The following SYNRG variants were observed in gnomAD, a reference collection of about 807,000 sequenced individuals.
The protein encoded by SYNRG is AP1 gamma subunit binding protein 1.
SYNRG carries 37 observed loss-of-function variants against 130.9 expected under a neutral mutation model. The observed-to-expected ratio is 0.28, with a 90% confidence interval of 0.22 to 0.37. The LOEUF (loss-of-function observed/expected upper bound fraction) is 0.37, where lower values mean the gene tolerates loss of function less well. Ranked by LOEUF, SYNRG falls within the 10% of genes least tolerant of loss-of-function variation. The pLI is 1.00. For synonymous variants in SYNRG, 539 were observed against 568.1 expected (o/e 0.95, Z 0.73); for missense variants, 1,338 against 1,588.9 (o/e 0.84, Z 2.68).
chr17:37,525,804 A>C lies in SYNRG; in HGVS notation c.3667-5156T>G, dbSNP rs148979819. On this transcript the variant is annotated intron_variant, in intron 19 of 21. Transcript: ENST00000612223. ...AACATGGTGAAACCCCGTCTCTACT[A>C]AAAATACAAAAATTAGCCAGGTGTG... 8.0e-3 allele frequency among the ~76,000 whole-genome samples: 1,219 copies of C among 152,350 alleles called. 23 individuals are homozygous for C. The highest frequency in any genetic ancestry group is 0.027 in the African/African-American group (1,129 of 41,584).
intron 13 of SYNRG, among the ~76,000 whole-genome samples, chr17:37,560,237 T>A (rs2059423324): frequency 6.6e-6 from 1 of 151,450 alleles, no homozygotes. Flanking sequence ...AAATAAATAA[T>A]TCTCAATAGC....
Position 37,609,298 on chromosome 17 carries a change from C to G in SYNRG, c.58G>C (p.Gly20Arg), listed in dbSNP as rs1015162526. 1 of 1,461,220 alleles carries G rather than the reference C, an allele frequency of 6.8e-7. No homozygotes were observed. The highest frequency in any genetic ancestry group is 1.5e-5 in the African/African-American group (1 of 68,016). 90.5% of individuals were successfully genotyped at this position (1,461,220 alleles called of 1,614,324 possible). ...ACCTACCCGCCTCCCCCGGCGGACCCCGCGCCAGCTCCCGCGGCCCCGCCG... is the reference window on the plus strand; with the variant it reads ...ACCTACCCGCCTCCCCCGGCGGACCGCGCGCCAGCTCCCGCGGCCCCGCCG... ...GGGGAAGAGAGSAGGGGFMFP... is the reference protein window; with the variant it reads ...GGGGAAGAGARSAGGGGFMFP... The change falls in exon 1 of 22, where the codon GGG becomes CGG. Residue 20 changes from glycine (G) to arginine (R), a missense_variant. Physicochemically the swap from Gly to Arg is moderately radical, Grantham distance 125. Coordinates refer to ENST00000612223, the MANE Select transcript of SYNRG (RefSeq NM_007247.6).
At chr17:37,554,281 C>T (rs1376440371) in intron 13 of SYNRG, among the ~76,000 whole-genome samples, 1 of 152,164 alleles carries the variant, frequency 6.6e-6, no homozygotes, top group Non-Finnish European at 1.5e-5. Flanking sequence ...AAGTACCTGA[C>T]GGTACCATTT....
Position 37,571,818 on chromosome 17 carries a change from G to T in SYNRG, c.1071C>A (p.Thr357=), listed in dbSNP as rs373698815. The change falls in exon 9 of 22, where the codon ACC becomes ACA. Residue 357 remains threonine (T), a synonymous_variant. Coordinates refer to ENST00000612223, the MANE Select transcript of SYNRG (RefSeq NM_007247.6). ...GTGTTACCGCTATCATGGCTAGAAC[G>T]GTATAAAGTTCTTCTTTTGTAAGTT... ...PGKLTKEELY[T]VLAMIAVTQR... 1.2e-6 allele frequency: 2 copies of T among 1,613,736 alleles called. No individual in the cohort carries two copies. The highest frequency in any genetic ancestry group is 1.7e-6 in the Non-Finnish European group (2 of 1,179,928).
At chr17:37,526,695 G>A (rs752711200) in intron 19 of SYNRG, among the ~76,000 whole-genome samples, 12 of 152,198 alleles carry the variant, frequency 7.9e-5, no homozygotes, top group Middle Eastern at 3.4e-3. Flanking sequence ...AAGCCAGCAG[G>A]TAGCATCTGC....
chr17:37,579,621 T>C (rs1019198418), intron 6 of SYNRG, among the ~76,000 whole-genome samples: 1 of 152,256 alleles, frequency 6.6e-6, no homozygotes, highest in Non-Finnish European at 1.5e-5. Flanking sequence ...TGTCTATTTA[T>C]ACACAATTTT....
At chr17:37,575,892 T>TG (rs1424545289) in intron 8 of SYNRG, among the ~76,000 whole-genome samples, 2 of 150,746 alleles carry the variant, frequency 1.3e-5, no homozygotes, top group African/African-American at 4.9e-5. Context: ...TCTTCCAATG[T>TG]GAAAAAAAAG....
intron 10 of SYNRG, among the ~76,000 whole-genome samples, chr17:37,570,059 T>C (rs2060302715): frequency 6.6e-6 from 1 of 152,190 alleles, no homozygotes; most frequent in Non-Finnish European, 1.5e-5. Context: ...AATTCTTGTA[T>C]ATCTTTGCTA....
intron 1 of SYNRG, among the ~76,000 whole-genome samples, chr17:37,601,865 A>G (rs2063314581): frequency 6.6e-6 from 1 of 151,866 alleles, no homozygotes; most frequent in African/African-American, 2.4e-5. Flanking sequence ...GGGTTTCACC[A>G]TGATGGCCAG....
chr17:37,549,697 C>T (rs2058569539), intron 14 of SYNRG, among the ~76,000 whole-genome samples: 1 of 152,084 alleles, frequency 6.6e-6, no homozygotes, highest in Non-Finnish European at 1.5e-5. Context: ...ATCAACTGAT[C>T]CTCACACTTT....
In SYNRG at chr17:37,559,173, G is replaced by A. The variant is rs7210385; in HGVS notation, c.1663+2022C>T. ...AATCTTATATAATGCCTTTTTAATTGTACGCTCTAGTATTATAGATGTAAG... is the reference window on the plus strand; with the variant it reads ...AATCTTATATAATGCCTTTTTAATTATACGCTCTAGTATTATAGATGTAAG... On this transcript the variant is annotated intron_variant, in intron 13 of 21. Transcript: ENST00000612223. 9.9e-3 allele frequency among the ~76,000 whole-genome samples: 1,500 copies of A among 152,210 alleles called. 17 individuals are homozygous for A. The highest frequency in any genetic ancestry group is 0.035 in the African/African-American group (1,439 of 41,518).
chr17:37,583,202 C>T (rs982831464), intron 6 of SYNRG, among the ~76,000 whole-genome samples: 15 of 151,890 alleles, frequency 9.9e-5, no homozygotes, highest in Admixed American at 1.3e-4. Context: ...ATGTTGGCCA[C>T]GCTGGTCTTG....
chr17:37,546,887 C>T (rs2058323322), intron 14 of SYNRG, among the ~76,000 whole-genome samples: 1 of 152,160 alleles, frequency 6.6e-6, no homozygotes, highest in African/African-American at 2.4e-5. Context: ...AATACTTGTA[C>T]ATTTCAGTTT....
At chr17:37,547,830 G>A (rs2058405909) in intron 14 of SYNRG, among the ~76,000 whole-genome samples, 1 of 152,176 alleles carries the variant, frequency 6.6e-6, no homozygotes, top group African/African-American at 2.4e-5. Flanking sequence ...TAGAACAACA[G>A]ATACATAGGT....
At chr17:37,609,186 G>T in intron 1 of SYNRG, 93 bp downstream of exon 1, 1 of 1,276,048 alleles carries the variant, frequency 7.8e-7, no homozygotes, top group Non-Finnish European at 1.0e-6. Flanking sequence ...CCAAGGAAAA[G>T]GATCAGGGCT....
Position 37,596,320 on chromosome 17 carries a change from T to C in SYNRG, c.143A>G (p.Gln48Arg), listed in dbSNP as rs1239403488. The change falls in exon 3 of 22, where the codon CAA (glutamine) becomes CGA (arginine). Residue 48 changes from glutamine to arginine, a missense_variant. By Grantham distance (43) the Gln-to-Arg change is conservative. Coordinates refer to ENST00000612223, the MANE Select transcript of SYNRG (RefSeq NM_007247.6). ...CATGACAGAGACCATAGGAAATCCT[T>C]GTTGCTGCATCGGCATCAGGCCTGC... ...PQAGLMPMQQ[Q>R]GFPMVSVMQP... is the part of the protein sequence containing the mutation. The C allele has an allele frequency of 6.2e-7, 1 of 1,614,152 alleles. No individual in the cohort carries two copies. The highest frequency in any genetic ancestry group is 8.5e-7 in the Non-Finnish European group (1 of 1,180,000).
At chr17:37,573,439 T>C (rs765989203) in intron 8 of SYNRG, among the ~76,000 whole-genome samples, 2 of 152,092 alleles carry the variant, frequency 1.3e-5, no homozygotes, top group Non-Finnish European at 2.9e-5. Flanking sequence ...ATATTTTGAC[T>C]AGAAAGTATA....
At chr17:37,546,071 T>C (rs1392285611) in intron 14 of SYNRG, among the ~76,000 whole-genome samples, 1 of 152,228 alleles carries the variant, frequency 6.6e-6, no homozygotes, top group East Asian at 1.9e-4. Context: ...ATTTCCCCTG[T>C]TAATAGTTCT....
At position 37,594,650 on chromosome 17, in the gene SYNRG, C is replaced by T. The variant is rs1438905793; in HGVS notation, c.240+1573G>A. ...CTAATTTTTGTATTTTTAGTAGAGACGAGGTTTCACCATGTTGGTCAGGCT... is the reference window on the plus strand; with the variant it reads ...CTAATTTTTGTATTTTTAGTAGAGATGAGGTTTCACCATGTTGGTCAGGCT... On this transcript the variant is annotated intron_variant, in intron 3 of 21. Coordinates refer to ENST00000612223, the MANE Select transcript of SYNRG (RefSeq NM_007247.6). Among the ~76,000 whole-genome samples the T allele has an allele frequency of 2.6e-5, 4 of 151,938 alleles. No individual in the cohort carries two copies. The East Asian group carries it at 7.7e-4, about 29-fold the overall frequency.
Sources: gnomAD v4.1 joint callset for allele counts (sites outside exome capture counted in the v4.1 genomes callset) on GRCh38, gnomAD v4.1.1 for gene constraint, MANE v1.5 for transcripts, NCBI Gene and HGNC (gene_info 2026-07-23, HGNC 2026-07-21) for gene names.